The following AFF3 variants were observed in gnomAD, a reference collection of about 807,000 sequenced individuals.
AFF3 encodes the protein AF4/FMR2 family member 3.
In AFF3, 32 loss-of-function variants were observed where a neutral mutation model predicts 129.7. That is an observed-to-expected ratio of 0.25 (90% confidence interval 0.19 to 0.33). The LOEUF is 0.33. Among genes scored for constraint, AFF3 ranks in the 10% least tolerant of loss-of-function variants. The pLI is 1.00. For synonymous variants in AFF3, 644 were observed against 635.4 expected (o/e 1.01, Z -0.20); for missense variants, 1,373 against 1,592.0 (o/e 0.86, Z 2.34).
At chr2:100,045,717 T>C (rs1293463695) in intron 4 of AFF3, among the ~76,000 whole-genome samples, 5 of 152,052 alleles carry the variant, frequency 3.3e-5, no homozygotes, top group Non-Finnish European at 5.9e-5. Flanking sequence ...CACAGGAAGA[T>C]GGAAAGAATG....
intron 11 of AFF3, among the ~76,000 whole-genome samples, chr2:99,675,931 A>T (rs1227783048): frequency 1.3e-5 from 2 of 151,986 alleles, no homozygotes; most frequent in Admixed American, 6.5e-5. Flanking sequence ...TAAAAGGAAG[A>T]TGCAAATTAA....
At chr2:100,059,427 A>G (rs945272286) in intron 4 of AFF3, among the ~76,000 whole-genome samples, 3 of 152,210 alleles carry the variant, frequency 2.0e-5, no homozygotes, top group African/African-American at 7.2e-5. Flanking sequence ...TGGGATGCCT[A>G]TATCAAAAAG....
chr2:100,059,411 T>A (rs1056511165), intron 4 of AFF3, among the ~76,000 whole-genome samples: 3 of 152,136 alleles, frequency 2.0e-5, no homozygotes, highest in African/African-American at 7.2e-5. Flanking sequence ...ACCACACATG[T>A]AGCATTGGGA....
At chr2:100,020,569 T>C (rs1292240610) in intron 4 of AFF3, among the ~76,000 whole-genome samples, 1 of 152,096 alleles carries the variant, frequency 6.6e-6, no homozygotes, top group African/African-American at 2.4e-5. Context: ...CCCCAGCCTC[T>C]ACTTGTTGCC....
At chr2:100,004,010 T>G (rs1681706388) in intron 7 of AFF3, among the ~76,000 whole-genome samples, 1 of 152,138 alleles carries the variant, frequency 6.6e-6, no homozygotes, top group Admixed American at 6.5e-5. Context: ...CTCATTGCAT[T>G]GCACCTAGTT....
chr2:99,909,069 A>G (rs1694930387), intron 7 of AFF3, among the ~76,000 whole-genome samples: 1 of 152,160 alleles, frequency 6.6e-6, no homozygotes, highest in East Asian at 1.9e-4. Context: ...TCACAATAGC[A>G]AAGACTTGGA....
intron 13 of AFF3, among the ~76,000 whole-genome samples, chr2:99,612,625 A>G (rs561285279): frequency 1.5e-3 from 223 of 152,356 alleles, no homozygotes; most frequent in African/African-American, 5.1e-3. Context: ...GGACAGAGAA[A>G]TGGATTGGAA....
chr2:99,763,302 C>A (rs1432122129), intron 8 of AFF3, among the ~76,000 whole-genome samples: 2 of 152,194 alleles, frequency 1.3e-5, no homozygotes, highest in Non-Finnish European at 2.9e-5. Context: ...CAAAAATTCA[C>A]AAACAACCTT....
chr2:100,048,320 T>C (rs749020400), intron 4 of AFF3, among the ~76,000 whole-genome samples: 6 of 152,368 alleles, frequency 3.9e-5, no homozygotes, highest in Admixed American at 6.5e-5. Flanking sequence ...CATGTTACAG[T>C]GTAAATGTTT....
chr2:99,590,709 C>T (rs1678582070), intron 15 of AFF3, among the ~76,000 whole-genome samples: 1 of 152,158 alleles, frequency 6.6e-6, no homozygotes, highest in Admixed American at 6.5e-5. Context: ...ATTATCTTTG[C>T]TGGCCACGTG....
intron 7 of AFF3, among the ~76,000 whole-genome samples, chr2:99,908,686 A>G (rs1430275989): frequency 2.0e-5 from 3 of 152,240 alleles, no homozygotes; most frequent in East Asian, 1.9e-4. Flanking sequence ...ACACTTCTCA[A>G]AAGAAGACAT....
At chr2:99,658,656 T>C (rs929982326) in intron 12 of AFF3, among the ~76,000 whole-genome samples, 9 of 152,180 alleles carry the variant, frequency 5.9e-5, no homozygotes, top group Non-Finnish European at 1.0e-4. Context: ...GCATTTAAGA[T>C]ATTGAAACAG....
At chr2:99,975,868 G>GAAAAAAAAAAAAAA (rs5832890) in intron 7 of AFF3, among the ~76,000 whole-genome samples, 3 of 74,586 alleles carry the variant, frequency 4.0e-5, no homozygotes, top group South Asian at 4.3e-4. Flanking sequence ...AGATTAAAAT[G>GAAAAAAAAAAAAAA]AAAAAAAAAA....
intron 7 of AFF3, among the ~76,000 whole-genome samples, chr2:99,981,353 G>C (rs1418411611): frequency 6.6e-6 from 1 of 152,126 alleles, no homozygotes; most frequent in African/African-American, 2.4e-5. Context: ...AGGGCATAGA[G>C]ATTTTTTCCA....
chr2:99,889,711 T>G (rs1435686473), intron 7 of AFF3, among the ~76,000 whole-genome samples: 2 of 152,142 alleles, frequency 1.3e-5, no homozygotes, highest in Non-Finnish European at 2.9e-5. Context: ...CAGGCTGGAG[T>G]GAACTGGCGT....
intron 8 of AFF3, among the ~76,000 whole-genome samples, chr2:99,830,857 T>C (rs1414684796): frequency 6.6e-6 from 1 of 152,232 alleles, no homozygotes; most frequent in African/African-American, 2.4e-5. Flanking sequence ...ATTGTAGACT[T>C]GAAGATTTGT....
chr2:99,789,938 A>G (rs1257550929), intron 8 of AFF3, among the ~76,000 whole-genome samples: 2 of 152,246 alleles, frequency 1.3e-5, no homozygotes, highest in East Asian at 3.8e-4. Flanking sequence ...ATGTAGATCC[A>G]GTGAAAATTA....
intron 4 of AFF3, among the ~76,000 whole-genome samples, chr2:100,053,060 GTC>G (rs1686479003): frequency 6.6e-6 from 1 of 152,220 alleles, no homozygotes; most frequent in South Asian, 2.1e-4. Context: ...TAGCTTTGAA[GTC>G]TCTGCAGTAA....
intron 11 of AFF3, among the ~76,000 whole-genome samples, chr2:99,713,514 G>A (rs868694798): frequency 3.3e-4 from 50 of 151,954 alleles, no homozygotes; most frequent in Middle Eastern, 3.4e-3. Context: ...TGATCCGCCC[G>A]CCTCAGCCTC....
Sources: allele counts gnomAD v4.1 joint callset (sites outside exome capture counted in the v4.1 genomes callset), GRCh38; gene constraint gnomAD v4.1.1; transcripts MANE v1.5; gene names NCBI Gene and HGNC (gene_info 2026-07-23, HGNC 2026-07-21).